The following P4HTM variants were observed in gnomAD, a reference collection of about 807,000 sequenced individuals.
The protein encoded by P4HTM is prolyl 4-hydroxylase, transmembrane, also known as transmembrane prolyl 4-hydroxylase.
A neutral mutation model predicts 55.3 loss-of-function variants in P4HTM; 33 were observed. The observed-to-expected ratio is 0.60, with a 90% CI of 0.45 to 0.80. The LOEUF (loss-of-function observed/expected upper bound fraction) is 0.80. Ranked by LOEUF, P4HTM falls within the 30% of genes least tolerant of loss-of-function variation. P4HTM has a pLI of 0.00. For missense variants in P4HTM, 542 were observed against 696.5 expected (o/e 0.78, Z 2.50); for synonymous variants, 272 against 286.4 (o/e 0.95, Z 0.51).
At chr3:49,006,242 C>A in intron 8 of P4HTM, 55 bp downstream of exon 8, 1 of 1,568,270 alleles carries the variant, frequency 6.4e-7, no homozygotes, top group South Asian at 1.1e-5. Flanking sequence ...CTTCCCTTTA[C>A]CCAGCCCCCG....
rs755308276 is a variant in P4HTM at position 49,001,430 on chromosome 3, T to C, written c.437-8T>C. 1.9e-6 allele frequency: 3 copies of C among 1,613,542 alleles called. No homozygotes were observed. Among genetic ancestry groups the C allele is most frequent in the Non-Finnish European group, 2.5e-6 (3 of 1,180,024 alleles). ...GTCCTTGGCCTCACCCACCTCCTCT[T>C]CTGGCAGAAATCCCCGGCTTCCTGA... On this transcript the variant is annotated splice_region_variant and splice_polypyrimidine_tract_variant and intron_variant, in intron 2 of 8. Coordinates refer to ENST00000383729, the MANE Select transcript of P4HTM (RefSeq NM_177939.3).
rs1329065640 is a variant in P4HTM, at chr3:48,990,650, C to A, written c.354+40C>A. The stretch of plus-strand genomic sequence containing the variant: ...GCCCCGCCGCGCTCCAGGCCCTGCA[C>A]GGCTGAGCCCGAGAGGACCGGCGCT... On this transcript the variant is annotated intron_variant, in intron 1 of 8. Coordinates refer to ENST00000383729, the MANE Select transcript of P4HTM (RefSeq NM_177939.3). The surrounding 1 kb of genome is among the most constrained non-coding windows in gnomAD (Gnocchi z 7.2). The A allele has an allele frequency of 4.0e-6, 6 of 1,499,840 alleles. No homozygotes were observed. The Admixed American group carries it at 6.7e-5, about 17-fold the overall frequency. 92.9% of individuals were successfully genotyped at this position (1,499,840 alleles called of 1,614,324 possible).
At chr3:48,994,098 GAAT>G (rs2092938629) in intron 2 of P4HTM, among the ~76,000 whole-genome samples, 2 of 152,154 alleles carry the variant, frequency 1.3e-5, no homozygotes, top group Non-Finnish European at 2.9e-5. Flanking sequence ...GGCAGTTCCT[GAAT>G]ACTGTGGTAT....
rs768795129 is a variant in P4HTM at position 49,006,796 on chromosome 3, G to C, written c.1398G>C (p.Arg466=). The C allele has an allele frequency of 6.2e-7, 1 of 1,613,534 alleles. No homozygotes were observed. Among genetic ancestry groups the C allele is most frequent in the Non-Finnish European group, 8.5e-7 (1 of 1,180,022 alleles). Residue 466 remains arginine (R), a synonymous_variant, in exon 9 of 9, where the codon CGG becomes CGC. Coordinates refer to ENST00000383729, the MANE Select transcript of P4HTM (RefSeq NM_177939.3). ...NWINVDPSRA[R]QALFQQEMAR... is the part of the protein sequence containing the mutation. ...TTAATGTGGACCCCAGCCGAGCGCGGCAAGCGCTGTTCCAACAGGAGATGG... is the reference window on the plus strand; with the variant it reads ...TTAATGTGGACCCCAGCCGAGCGCGCCAAGCGCTGTTCCAACAGGAGATGG...
chr3:48,995,091 G>A (rs535697400), intron 2 of P4HTM, among the ~76,000 whole-genome samples: 23 of 152,070 alleles, frequency 1.5e-4, no homozygotes, highest in Non-Finnish European at 2.8e-4. Context: ...ATGAGCCACC[G>A]TGCCCAGCCG....
intron 5 of P4HTM, 21 bp from the exon 6 acceptor site, chr3:49,004,840 C>G: frequency 2.5e-6 from 4 of 1,590,848 alleles, no homozygotes; most frequent in Non-Finnish European, 3.4e-6. Flanking sequence ...GCTGCCCAGC[C>G]AAATGCCTGC....
chr3:48,990,676 C>T lies in P4HTM; in HGVS notation c.354+66C>T. ...GGCTGAGCCCGAGAGGACCGGCGCTCAGCCCGGGTCCCCACGCTGCCCCCG... is the reference window on the plus strand; with the variant it reads ...GGCTGAGCCCGAGAGGACCGGCGCTTAGCCCGGGTCCCCACGCTGCCCCCG... On this transcript the variant is annotated intron_variant, in intron 1 of 8. Transcript: ENST00000383729. This position sits in a 1 kb window ranked among gnomAD's most constrained non-coding sequence, Gnocchi z 7.2. The T allele has an allele frequency of 6.8e-7, 1 of 1,471,496 alleles. No homozygotes were observed. The highest frequency in any genetic ancestry group is 2.4e-5 in the Admixed American group (1 of 41,326). The allele number at this position is 1,471,496 out of a possible 1,614,324, so 91.2% of individuals were successfully genotyped here.
chr3:48,994,470 T>C (rs1221166406), intron 2 of P4HTM, among the ~76,000 whole-genome samples: 1 of 152,180 alleles, frequency 6.6e-6, no homozygotes, highest in Non-Finnish European at 1.5e-5. Flanking sequence ...TTGAGAAATA[T>C]TTCCTGTTTC....
At position 49,005,065 on chromosome 3, in the gene P4HTM, G is replaced by A. The variant is rs2092972660; in HGVS notation, c.1073+19G>A. The A allele has an allele frequency of 6.2e-7, 1 of 1,613,824 alleles. No individual in the cohort carries two copies. The highest frequency in any genetic ancestry group is 8.5e-7 in the Non-Finnish European group (1 of 1,180,042). On this transcript the variant is annotated intron_variant, in intron 6 of 8. Coordinates refer to ENST00000383729, the MANE Select transcript of P4HTM (RefSeq NM_177939.3). The stretch of plus-strand genomic sequence containing the variant: ...CCTGCCGGCAAGTATCTCCCAACTG[G>A]GGGCTGCCTTCAATCCTCAGACCAG...
rs2092983788 is a variant in P4HTM, at chr3:49,006,696, G to A, written c.1298G>A (p.Gly433Asp). ...NYLPDGQGWV[G>D]DVDDYSLHGG... ...CACCCTCCTCTTCTAGGTTGGGTGG[G>A]TGACGTAGACGACTACTCGCTGCAC... Residue 433 changes from glycine to aspartate, a missense_variant, in exon 9 of 9, where the codon GGT (glycine) becomes GAT (aspartate). Gly to Asp is a moderately conservative substitution (Grantham distance 94). Around this residue, in one of 2 missense-constraint regions of P4HTM, gnomAD observed 536 missense variants for 672.1 expected, o/e 0.80. Transcript: ENST00000383729. 1.2e-6 allele frequency: 2 copies of A among 1,613,618 alleles called. No homozygotes were observed. Among genetic ancestry groups the A allele is most frequent in the Non-Finnish European group, 8.5e-7 (1 of 1,179,982 alleles).
chr3:48,996,168 C>T (rs1380312554), intron 2 of P4HTM: 2 of 152,210 alleles, frequency 1.3e-5, no homozygotes, highest in Non-Finnish European at 2.9e-5. Context: ...CTTAAGAAAA[C>T]AATTAGGCAG....
rs1395901720 is a variant in P4HTM at position 49,002,900 on chromosome 3, C to T, written c.724+304C>T. On this transcript the variant is annotated intron_variant, in intron 4 of 8. Transcript: ENST00000383729. The surrounding 1 kb of genome is among the most constrained non-coding windows in gnomAD (Gnocchi z 4.4). ...AGTAGGGCTGCTAGTTGGCAGAGAA[C>T]AGAGTGGGTGGAGCAGGAGCAAGGC... 2.2e-6 allele frequency: 1 copy of T among 450,014 alleles called. No homozygotes were observed. The highest frequency in any genetic ancestry group is 4.2e-6 in the Non-Finnish European group (1 of 240,278). The allele number at this position is 450,014 out of a possible 1,614,324, so 27.9% of individuals were successfully genotyped here. A position where few individuals can be genotyped will look rare whatever the true frequency, so the allele number is the denominator to read the frequency against.
Position 49,002,792 on chromosome 3 carries a change from G to A in P4HTM, c.724+196G>A, listed in dbSNP as rs775478993. 13 of 678,884 alleles carry A rather than the reference G, an allele frequency of 1.9e-5. No individual in the cohort carries two copies. The highest frequency in any genetic ancestry group is 1.2e-4 in the African/African-American group (7 of 56,760). The allele number at this position is 678,884 out of a possible 1,614,324, so 42.1% of individuals were successfully genotyped here. ...AAGTAGGCAGGCAGCCAGGCCCCCC[G>A]TTCCCCTTGGTGATGGTCTCGAGGG... is the stretch of plus-strand genomic sequence containing the variant. On this transcript the variant is annotated intron_variant, in intron 4 of 8. Transcript: ENST00000383729. The surrounding 1 kb of genome is among the most constrained non-coding windows in gnomAD (Gnocchi z 4.4).
chr3:49,007,135 T>A lies in P4HTM; in HGVS notation c.*228T>A, dbSNP rs888986041. 3 of 713,494 alleles carry A rather than the reference T, an allele frequency of 4.2e-6. No homozygotes were observed. The highest frequency in any genetic ancestry group is 6.8e-6 in the Non-Finnish European group (3 of 441,928). The allele number at this position is 713,494 out of a possible 1,614,324, so 44.2% of individuals were successfully genotyped here. On this transcript the variant is annotated 3_prime_UTR_variant, in exon 9 of 9. Coordinates refer to ENST00000383729, the MANE Select transcript of P4HTM (RefSeq NM_177939.3). This position sits in a 1 kb window ranked among gnomAD's most constrained non-coding sequence, Gnocchi z 5.1. ...GTTCGAGCCGCCGGGCCCGACAAAC[T>A]CCGGGTCGGCGAAACAGAGTCCGCG...
chr3:48,996,595 C>T (rs1303284858), intron 2 of P4HTM, among the ~76,000 whole-genome samples: 2 of 151,926 alleles, frequency 1.3e-5, no homozygotes, highest in African/African-American at 2.4e-5. Flanking sequence ...CTCTTGACCT[C>T]GTGATCCGCC....
In P4HTM at chr3:49,004,136, C is replaced by T. The variant is rs765053641; in HGVS notation, c.763C>T (p.Arg255Trp). Residue 255 changes from arginine to tryptophan, a missense_variant, in exon 5 of 9, where the codon CGG becomes TGG. Physicochemically the swap from Arg to Trp is moderately radical, Grantham distance 101. Around this residue, in one of 2 missense-constraint regions of P4HTM, gnomAD observed 536 missense variants for 672.1 expected, o/e 0.80. Coordinates refer to ENST00000383729, the MANE Select transcript of P4HTM (RefSeq NM_177939.3). ...SLQEFSNMDL[R>W]DFHKYMRSHK... ...GCAGGAGTTCTCCAACATGGACCTTCGGGACTTCCACAAGTACATGAGGAG... is the reference window on the plus strand; with the variant it reads ...GCAGGAGTTCTCCAACATGGACCTTTGGGACTTCCACAAGTACATGAGGAG... 1.2e-5 allele frequency: 19 copies of T among 1,554,384 alleles called. No homozygotes were observed. The Admixed American group carries it at 2.1e-4, about 17-fold the overall frequency.
intron 2 of P4HTM, among the ~76,000 whole-genome samples, chr3:48,992,915 C>T (rs905765467): frequency 6.6e-6 from 1 of 151,846 alleles, no homozygotes; most frequent in Non-Finnish European, 1.5e-5. Context: ...GATCTGCCCT[C>T]CTCAGCCTCC....
At chr3:48,995,973 C>T (rs1421620107) in intron 2 of P4HTM, among the ~76,000 whole-genome samples, 2 of 152,240 alleles carry the variant, frequency 1.3e-5, no homozygotes, top group Admixed American at 6.5e-5. Flanking sequence ...GCATCCTCCA[C>T]GTATCCTTCT....
At chr3:49,001,319 C>G in intron 2 of P4HTM, 119 bp from the exon 3 acceptor site, 3 of 865,046 alleles carry the variant, frequency 3.5e-6, no homozygotes, top group Non-Finnish European at 5.8e-6. Context: ...CCTCCATCCT[C>G]CAGACCTGGT....
Sources: gnomAD v4.1 joint callset for allele counts (sites outside exome capture counted in the v4.1 genomes callset) on GRCh38, gnomAD v4.1.1 for gene constraint, gnomAD v4.1.1 regional missense constraint, Gnocchi (gnomAD v3.1) non-coding constraint, MANE v1.5 for transcripts, NCBI Gene and HGNC (gene_info 2026-07-23, HGNC 2026-07-21) for gene names.